Variants in GALNTL6 observed in about 807,000 individuals in gnomAD.
GALNTL6 encodes polypeptide N-acetylgalactosaminyltransferase-like 6.
A neutral mutation model predicts 73.7 loss-of-function variants in GALNTL6; 46 were observed. The ratio of observed to expected loss-of-function variants is 0.62; its 90% confidence interval spans 0.49 to 0.80. GALNTL6 has a LOEUF of 0.80. Ranked by LOEUF, GALNTL6 falls within the 30% of genes least tolerant of loss-of-function variation. GALNTL6 has a pLI of 0.00. For missense variants in GALNTL6, 604 were observed against 755.0 expected, an observed-to-expected ratio of 0.80 and a Z score of 2.34; for synonymous variants, 259 against 263.7, an observed-to-expected ratio of 0.98 and a Z score of 0.17.
intron 8 of GALNTL6, among the ~76,000 whole-genome samples, chr4:172,908,367 T>C (rs929473250): frequency 7.2e-5 from 11 of 152,306 alleles, no homozygotes; most frequent in African/African-American, 2.6e-4. Context: ...ATTTTCTTAA[T>C]GAGAAAACTC....
intron 5 of GALNTL6, among the ~76,000 whole-genome samples, chr4:172,594,465 T>C (rs1163754540): frequency 1.3e-5 from 2 of 152,212 alleles, no homozygotes; most frequent in African/African-American, 4.8e-5. Context: ...ATCACTTTTA[T>C]AGTAATATTT....
intron 5 of GALNTL6, among the ~76,000 whole-genome samples, chr4:172,800,408 A>G (rs1047682962): frequency 2.0e-5 from 3 of 152,160 alleles, no homozygotes. Flanking sequence ...AAAAGACTAC[A>G]TTATGTGGTA....
chr4:172,645,550 G>A (rs924123744), intron 5 of GALNTL6, among the ~76,000 whole-genome samples: 7 of 151,730 alleles, frequency 4.6e-5, no homozygotes, highest in African/African-American at 1.7e-4. Flanking sequence ...GTATCCATTG[G>A]AAAGATTTTT....
At position 171,969,936 on chromosome 4, in the gene GALNTL6, T is replaced by C. The variant is rs188787065; in HGVS notation, c.138+155218T>C. ...AAACATGTGCCACCACACCTGGCAA[T>C]TTTTTTGTATTTTTAGTAGACACGG... On this transcript the variant is annotated intron_variant, in intron 2 of 12. Transcript: ENST00000506823. Among the ~76,000 whole-genome samples, 120 of 152,020 alleles carry C rather than the reference T, an allele frequency of 7.9e-4. 1 individual carries two copies. The highest frequency in any genetic ancestry group is 2.7e-3 in the African/African-American group (114 of 41,486).
rs1358283736 is a variant in GALNTL6, at chr4:172,743,117, T to C, written c.554-66244T>C. 2.0e-5 allele frequency among the ~76,000 whole-genome samples: 3 copies of C among 152,046 alleles called. No homozygotes were observed. In the East Asian group the frequency reaches 5.8e-4, roughly 29 times the overall value. The stretch of plus-strand genomic sequence containing the variant: ...GGAAAATAGTTATATGAAAAGAGCC[T>C]ATTGCTTTCCTCCATGGGATGTGCT... On this transcript the variant is annotated intron_variant, in intron 5 of 12. Coordinates refer to ENST00000506823, the MANE Select transcript of GALNTL6 (RefSeq NM_001034845.3).
intron 5 of GALNTL6, among the ~76,000 whole-genome samples, chr4:172,596,946 G>T (rs958214211): frequency 1.3e-5 from 2 of 152,058 alleles, no homozygotes; most frequent in Non-Finnish European, 2.9e-5. Flanking sequence ...TTAAAATCAG[G>T]CATATTAACA....
intron 2 of GALNTL6, among the ~76,000 whole-genome samples, chr4:171,990,720 A>G (rs1040355391): frequency 2.0e-5 from 3 of 152,232 alleles, no homozygotes; most frequent in African/African-American, 7.2e-5. Context: ...AGTTCTTAGG[A>G]GTAAAACTTA....
Position 171,953,246 on chromosome 4 carries a change from GTGTGT to G in GALNTL6, c.138+138529_138+138533del, listed in dbSNP as rs761965860. On this transcript the variant is annotated intron_variant, in intron 2 of 12. Coordinates refer to ENST00000506823, the MANE Select transcript of GALNTL6 (RefSeq NM_001034845.3). ...CGCACGTGTGTGTGTGTGTGTGTGT[GTGTGT>G]GTGTGTGTGTGTGTAAGAAAAAAGA... 9.6e-3 allele frequency among the ~76,000 whole-genome samples: 1,456 copies of G among 152,046 alleles called. 19 individuals carry two copies. The highest frequency in any genetic ancestry group is 0.018 in the Non-Finnish European group (1,210 of 67,926).
rs189430561 is a variant in GALNTL6 at position 172,293,775 on chromosome 4, G to A, written c.248-17839G>A. On this transcript the variant is annotated intron_variant, in intron 3 of 12. Transcript: ENST00000506823. ...CAAAACATTTTGCATAAATTAAACT[G>A]AAATAGATTAAACACAAGAATGCAC... Among the ~76,000 whole-genome samples, 1,491 of 151,108 alleles carry A rather than the reference G, an allele frequency of 9.9e-3. 16 individuals are homozygous for A. Among genetic ancestry groups the A allele is most frequent in the Admixed American group, 0.019 (283 of 15,186 alleles).
chr4:172,827,781 T>C (rs145771364), intron 7 of GALNTL6, among the ~76,000 whole-genome samples: 23 of 152,250 alleles, frequency 1.5e-4, no homozygotes, highest in Middle Eastern at 3.4e-3. Context: ...CTTCCATGGG[T>C]GGAAAGCCAA....
intron 3 of GALNTL6, among the ~76,000 whole-genome samples, chr4:172,236,487 GAGGC>G (rs1486270903): frequency 1.3e-5 from 2 of 151,672 alleles, no homozygotes; most frequent in Non-Finnish European, 2.9e-5. Flanking sequence ...ATGAACCCGG[GAGGC>G]AGGGCTTGCA....
chr4:172,475,186 CCTT>C (rs1733188517), intron 5 of GALNTL6, among the ~76,000 whole-genome samples: 1 of 152,118 alleles, frequency 6.6e-6, no homozygotes, highest in African/African-American at 2.4e-5. Flanking sequence ...CTTATTTTGT[CCTT>C]AATGTATTTT....
chr4:172,572,439 C>T (rs1251721265), intron 5 of GALNTL6, among the ~76,000 whole-genome samples: 1 of 152,138 alleles, frequency 6.6e-6, no homozygotes, highest in Non-Finnish European at 1.5e-5. Context: ...TACTCAGAGA[C>T]ACACAACAAG....
chr4:172,191,628 A>G (rs1237304966), intron 2 of GALNTL6, among the ~76,000 whole-genome samples: 1 of 152,200 alleles, frequency 6.6e-6, no homozygotes, highest in African/African-American at 2.4e-5. Flanking sequence ...TACTCTTTCA[A>G]ATCTTCACAC....
At chr4:171,952,671 T>C (rs1738920153) in intron 2 of GALNTL6, among the ~76,000 whole-genome samples, 1 of 152,066 alleles carries the variant, frequency 6.6e-6, no homozygotes, top group African/African-American at 2.4e-5. Flanking sequence ...TAATAGCTTT[T>C]AGCAAACTAA....
Position 173,039,935 on chromosome 4 carries a change from C to T in GALNTL6, c.1641C>T (p.Asp547=). The part of the protein sequence containing the change: ...KGNQLWGYRK[D]RTLFHPVSNS... ...TCTTTTCTTCCTCACTCCTCCAGGA[C>T]AGAACATTATTCCATCCTGTGAGCA... is the stretch of plus-strand genomic sequence containing the variant. The change falls in exon 13 of 13, where the codon GAC becomes GAT. Residue 547 remains aspartate (D), a splice_region_variant and synonymous_variant. Transcript: ENST00000506823. 2 of 1,611,838 alleles carry T rather than the reference C, an allele frequency of 1.2e-6. No homozygotes were observed. The highest frequency in any genetic ancestry group is 1.7e-6 in the Non-Finnish European group (2 of 1,179,036).
At chr4:173,038,162 A>G (rs17255483) in intron 12 of GALNTL6, among the ~76,000 whole-genome samples, 17,050 of 152,298 alleles carry the variant, frequency 0.11, 1,139 homozygotes, top group Admixed American at 0.19. Context: ...TAGAATTTTT[A>G]TGACTATAAC....
intron 2 of GALNTL6, among the ~76,000 whole-genome samples, chr4:171,898,750 A>G (rs758422963): frequency 1.3e-5 from 2 of 151,934 alleles, no homozygotes; most frequent in African/African-American, 2.4e-5. Context: ...TTTTAATTTT[A>G]TTTTTGTGGG....
intron 5 of GALNTL6, among the ~76,000 whole-genome samples, chr4:172,572,278 A>G (rs1037642519): frequency 1.3e-5 from 2 of 152,182 alleles, no homozygotes; most frequent in African/African-American, 4.8e-5. Flanking sequence ...GATAATGATG[A>G]TAATAACTAG....
Sources: gnomAD v4.1 joint callset for allele counts (sites outside exome capture counted in the v4.1 genomes callset) on GRCh38, gnomAD v4.1.1 for gene constraint, MANE v1.5 for transcripts, NCBI Gene and HGNC (gene_info 2026-07-23, HGNC 2026-07-21) for gene names.